Variants in GAD2 observed in about 807,000 individuals in gnomAD.
GAD2 encodes the protein glutamate decarboxylase 2.
A neutral mutation model predicts 80.1 loss-of-function variants in GAD2; 22 were observed. That is an observed-to-expected ratio of 0.27 (90% CI 0.20 to 0.39). The LOEUF (loss-of-function observed/expected upper bound fraction) is 0.39, where lower values mean the gene tolerates loss of function less well. Among genes scored for constraint, GAD2 ranks in the 10% least tolerant of loss-of-function variants. The pLI, the probability that GAD2 is intolerant of heterozygous loss-of-function variation, is 1.00. For missense variants in GAD2, 624 were observed against 738.4 expected (o/e 0.85, Z 1.80); for synonymous variants, 274 against 256.9 (o/e 1.07, Z -0.64).
Position 26,293,043 on chromosome 10 carries a change from C to T in GAD2, c.1584+52C>T, listed in dbSNP as rs776820437. The T allele has an allele frequency of 2.7e-5, 38 of 1,406,748 alleles. 1 individual carries two copies. The East Asian group carries it at 6.8e-4, about 25-fold the overall frequency. 87.1% of individuals were successfully genotyped at this position (1,406,748 alleles called of 1,614,324 possible). A position where few individuals can be genotyped will look rare whatever the true frequency, so the allele number is the denominator to read the frequency against. The stretch of plus-strand genomic sequence containing the variant: ...ATGTGTGTATTGAGCCTTTCATGTG[C>T]ACATCTTCTTTATGACATATGCCTG... On this transcript the variant is annotated intron_variant, in intron 15 of 15. Coordinates refer to ENST00000376261, the MANE Select transcript of GAD2 (RefSeq NM_001134366.2).
At chr10:26,240,936 G>T (rs770521084) in intron 7 of GAD2, among the ~76,000 whole-genome samples, 1 of 151,842 alleles carries the variant, frequency 6.6e-6, no homozygotes, top group African/African-American at 2.4e-5. Context: ...CAGCTACTCC[G>T]GAGGCTGAGG....
At chr10:26,225,619 A>C (rs1844511229) in intron 6 of GAD2, among the ~76,000 whole-genome samples, 1 of 152,148 alleles carries the variant, frequency 6.6e-6, no homozygotes, top group Non-Finnish European at 1.5e-5. Context: ...CAAGCAAATG[A>C]TGAGGCGGGG....
intron 8 of GAD2, among the ~76,000 whole-genome samples, chr10:26,258,453 C>T (rs559861975): frequency 1.3e-5 from 2 of 152,292 alleles, no homozygotes; most frequent in East Asian, 1.9e-4. Flanking sequence ...CACATATTGT[C>T]GTGCAACCAT....
At chr10:26,249,865 C>T (rs979083820) in intron 8 of GAD2, among the ~76,000 whole-genome samples, 1 of 152,032 alleles carries the variant, frequency 6.6e-6, no homozygotes, top group Non-Finnish European at 1.5e-5. Context: ...GGGAAAGGGA[C>T]CATGGACAGG....
intron 8 of GAD2, among the ~76,000 whole-genome samples, chr10:26,266,388 A>G (rs1845074227): frequency 1.3e-5 from 2 of 152,214 alleles, no homozygotes; most frequent in Admixed American, 1.3e-4. Context: ...GTTCTAAGGT[A>G]ATCCGGCCAA....
At chr10:26,244,539 G>A (rs1184287114) in intron 7 of GAD2, among the ~76,000 whole-genome samples, 6 of 152,198 alleles carry the variant, frequency 3.9e-5, no homozygotes, top group Non-Finnish European at 7.3e-5. Context: ...GTAATAGAAT[G>A]TCATTCAGCC....
intron 4 of GAD2, among the ~76,000 whole-genome samples, chr10:26,221,361 T>C (rs1299530106): frequency 6.6e-6 from 1 of 152,160 alleles, no homozygotes; most frequent in Admixed American, 6.5e-5. Flanking sequence ...GAAGTCTTCA[T>C]GGATTGTTAA....
At chr10:26,250,276 A>G (rs1306284071) in intron 8 of GAD2, among the ~76,000 whole-genome samples, 1 of 152,150 alleles carries the variant, frequency 6.6e-6, no homozygotes, top group Non-Finnish European at 1.5e-5. Flanking sequence ...TCACTCTCCC[A>G]AGTAGCTGGG....
At chr10:26,284,152 C>T (rs968708574) in intron 12 of GAD2, among the ~76,000 whole-genome samples, 29 of 152,218 alleles carry the variant, frequency 1.9e-4, no homozygotes, top group African/African-American at 6.5e-4. Flanking sequence ...GCTCTGACAG[C>T]ATTTGTTTAT....
At chr10:26,287,974 G>A (rs1431626189) in intron 13 of GAD2, among the ~76,000 whole-genome samples, 1 of 152,162 alleles carries the variant, frequency 6.6e-6, no homozygotes, top group African/African-American at 2.4e-5. Context: ...CAGTGAATGG[G>A]TTCTTCCACA....
Position 26,281,105 on chromosome 10 carries a change from C to G in GAD2, c.1236+18C>G, listed in dbSNP as rs758732861. On this transcript the variant is annotated intron_variant, in intron 12 of 15. Coordinates refer to ENST00000376261, the MANE Select transcript of GAD2 (RefSeq NM_001134366.2). Reference sequence around the variant, plus strand: ...GAGAAGAGGTATGTCTCTCTTGACTCTGTGTCCCAGTCCGTGCGTGGGCTT... The same window carrying G: ...GAGAAGAGGTATGTCTCTCTTGACTGTGTGTCCCAGTCCGTGCGTGGGCTT... 6.3e-7 allele frequency: 1 copy of G among 1,584,952 alleles called. No homozygotes were observed. The highest frequency in any genetic ancestry group is 1.7e-5 in the Admixed American group (1 of 59,960).
chr10:26,245,083 G>T (rs1313179895), intron 7 of GAD2, among the ~76,000 whole-genome samples: 1 of 151,292 alleles, frequency 6.6e-6, no homozygotes, highest in Non-Finnish European at 1.5e-5. Flanking sequence ...AACCCGGGAG[G>T]CAGGGGTTGC....
At chr10:26,281,378 C>A (rs993783128) in intron 12 of GAD2, among the ~76,000 whole-genome samples, 1 of 152,094 alleles carries the variant, frequency 6.6e-6, no homozygotes, top group Non-Finnish European at 1.5e-5. Flanking sequence ...ATCCAGAGAC[C>A]CTCTATGTCA....
intron 8 of GAD2, among the ~76,000 whole-genome samples, chr10:26,257,361 A>G (rs1257419098): frequency 3.9e-5 from 6 of 152,228 alleles, no homozygotes. Flanking sequence ...TGGGAGACAG[A>G]GCGAGATTCC....
At chr10:26,299,634 C>T (rs918981607) in intron 15 of GAD2, among the ~76,000 whole-genome samples, 1 of 152,166 alleles carries the variant, frequency 6.6e-6, no homozygotes, top group Admixed American at 6.5e-5. Flanking sequence ...ACAACAAAAA[C>T]AGTAGAAGAC....
Position 26,286,351 on chromosome 10 carries a change from A to G in GAD2, c.1243A>G (p.Met415Val). The G allele has an allele frequency of 6.2e-7, 1 of 1,613,362 alleles. No individual in the cohort carries two copies. The highest frequency in any genetic ancestry group is 8.5e-7 in the Non-Finnish European group (1 of 1,179,764). ...TTTCTCTTCTCTCTTGTAGGGATTG[A>G]TGCAGAATTGCAACCAAATGCATGC... ...SALLVREEGL[M>V]QNCNQMHASY... The change falls in exon 13 of 16, where the codon ATG becomes GTG. Residue 415 changes from methionine (M) to valine (V), a missense_variant. Physicochemically the swap from Met to Val is conservative, Grantham distance 21. Transcript: ENST00000376261.
In GAD2 at chr10:26,295,083, T is replaced by A. The variant is rs201991255; in HGVS notation, c.1584+2092T>A. On this transcript the variant is annotated intron_variant, in intron 15 of 15. Coordinates refer to ENST00000376261, the MANE Select transcript of GAD2 (RefSeq NM_001134366.2). ...CAAGATGGGAATACAGAATAAAAAC[T>A]TTTTTTTTTCATCATTTTCTGAACA... Among the ~76,000 whole-genome samples the A allele has an allele frequency of 1.6e-3, 86 of 55,306 alleles. 1 individual carries two copies. The African/African-American group carries it at 0.026, about 17-fold the overall frequency. 36.3% of individuals were successfully genotyped at this position (55,306 alleles called of 152,430 possible). A position where few individuals can be genotyped will look rare whatever the true frequency, so the allele number is the denominator to read the frequency against.
At chr10:26,226,484 C>T (rs922130159) in intron 6 of GAD2, among the ~76,000 whole-genome samples, 3 of 152,218 alleles carry the variant, frequency 2.0e-5, no homozygotes, top group Non-Finnish European at 4.4e-5. Context: ...TGGGAGGAGA[C>T]AGCAGAAAAG....
intron 11 of GAD2, among the ~76,000 whole-genome samples, chr10:26,274,139 CTT>C (rs1845170755): frequency 1.3e-5 from 2 of 152,212 alleles, no homozygotes; most frequent in Non-Finnish European, 2.9e-5. Flanking sequence ...CACCTTGTAA[CTT>C]ATCAATGTTG....
Sources: gnomAD v4.1 joint callset for allele counts (sites outside exome capture counted in the v4.1 genomes callset) on GRCh38, gnomAD v4.1.1 for gene constraint, MANE v1.5 for transcripts, NCBI Gene and HGNC (gene_info 2026-07-23, HGNC 2026-07-21) for gene names.